The following FDX1 variants were observed in gnomAD, a reference collection of about 807,000 sequenced individuals.
FDX1 encodes the protein adrenodoxin, mitochondrial.
In FDX1, 9 loss-of-function variants were observed where a neutral mutation model predicts 14.9. That is an observed-to-expected ratio of 0.60 (90% confidence interval 0.36 to 1.05). The LOEUF (loss-of-function observed/expected upper bound fraction) is 1.05. Ranked by LOEUF, FDX1 falls within the 50% of genes least tolerant of loss-of-function variation. The pLI is 0.01. For missense variants in FDX1, 204 were observed against 237.2 expected, an observed-to-expected ratio of 0.86 and a Z score of 0.92; for synonymous variants, 92 against 99.4, an observed-to-expected ratio of 0.93 and a Z score of 0.44.
At chr11:110,454,296 A>G (rs1019571967) in intron 2 of FDX1, among the ~76,000 whole-genome samples, 12 of 152,220 alleles carry the variant, frequency 7.9e-5, no homozygotes, top group African/African-American at 2.4e-5. Context: ...GAAGCTTCCT[A>G]GGGAAGAGGG....
At chr11:110,430,558 C>G (rs1946324068) in intron 1 of FDX1, among the ~76,000 whole-genome samples, 1 of 152,236 alleles carries the variant, frequency 6.6e-6, no homozygotes, top group African/African-American at 2.4e-5. Context: ...GAATCGGGGA[C>G]CCTGGACGCC....
At chr11:110,451,771 T>C (rs1239907981) in intron 2 of FDX1, among the ~76,000 whole-genome samples, 1 of 152,236 alleles carries the variant, frequency 6.6e-6, no homozygotes, top group Non-Finnish European at 1.5e-5. Context: ...AACAAGATCA[T>C]GTCCTTTGCA....
chr11:110,444,116 T>C (rs894315962), intron 2 of FDX1, among the ~76,000 whole-genome samples: 13 of 152,176 alleles, frequency 8.5e-5, no homozygotes, highest in African/African-American at 3.1e-4. Flanking sequence ...TTTTGGAGAC[T>C]TAGCCAAAAA....
At chr11:110,430,410 G>A (rs985941348) in intron 1 of FDX1, 105 bp downstream of exon 1, 2 of 770,200 alleles carry the variant, frequency 2.6e-6, no homozygotes, top group Non-Finnish European at 3.4e-6. Flanking sequence ...TCTGCGCGCC[G>A]GGCCCACACC....
Position 110,430,116 on chromosome 11 carries a change from G to T in FDX1, c.-5G>T, listed in dbSNP as rs1421835677. ...GTCGCTTCCGGCAGTTCCCGACCGC[G>T]GGCGATGGCTGCCGCTGGGGGCGCC... On this transcript the variant is annotated 5_prime_UTR_variant, in exon 1 of 4. Transcript: ENST00000260270. The T allele has an allele frequency of 2.4e-6, 3 of 1,234,144 alleles. No individual in the cohort carries two copies. Among genetic ancestry groups the T allele is most frequent in the Non-Finnish European group, 3.0e-6 (3 of 991,056 alleles). The allele number at this position is 1,234,144 out of a possible 1,614,324, so 76.4% of individuals were successfully genotyped here. A position where few individuals can be genotyped will look rare whatever the true frequency, so the allele number is the denominator to read the frequency against.
intron 1 of FDX1, 29 bp downstream of exon 1, chr11:110,430,334 G>A: frequency 8.5e-7 from 1 of 1,180,094 alleles, no homozygotes; most frequent in Non-Finnish European, 1.0e-6. Context: ...GCGATCGCCG[G>A]CGCGGGCCGG....
chr11:110,449,845 C>T (rs1410444773), intron 2 of FDX1, among the ~76,000 whole-genome samples: 1 of 152,140 alleles, frequency 6.6e-6, no homozygotes, highest in Non-Finnish European at 1.5e-5. Flanking sequence ...CCAGGCTGGT[C>T]TCGAATACCT....
intron 2 of FDX1, among the ~76,000 whole-genome samples, chr11:110,450,918 A>G (rs990361041): frequency 4.6e-5 from 7 of 152,142 alleles, no homozygotes; most frequent in African/African-American, 9.7e-5. Flanking sequence ...ACAGCCACCA[A>G]TATTACTCTG....
rs144595058 is a variant in FDX1, at chr11:110,438,719, G to C, written c.310+2761G>C. Among the ~76,000 whole-genome samples the C allele has an allele frequency of 1.9e-3, 287 of 151,994 alleles. 1 individual carries two copies. Among genetic ancestry groups the C allele is most frequent in the African/African-American group, 6.4e-3 (264 of 41,442 alleles). ...TGACCTCAAGTGATCTGCCTACTTC[G>C]GCCTCCCAAAGTGCTGGGATTACAG... On this transcript the variant is annotated intron_variant, in intron 2 of 3. Coordinates refer to ENST00000260270, the MANE Select transcript of FDX1 (RefSeq NM_004109.5).
chr11:110,452,148 T>C (rs1946490347), intron 2 of FDX1, among the ~76,000 whole-genome samples: 2 of 152,114 alleles, frequency 1.3e-5, no homozygotes, highest in Non-Finnish European at 2.9e-5. Context: ...AGAAAAAATC[T>C]TTAGGACCTG....
chr11:110,439,431 A>C (rs982131479), intron 2 of FDX1, among the ~76,000 whole-genome samples: 1 of 150,738 alleles, frequency 6.6e-6, no homozygotes, highest in African/African-American at 2.4e-5. Context: ...CTAGTCTCGA[A>C]CTCCTGACCT....
chr11:110,460,997 T>A (rs556973460), intron 3 of FDX1, among the ~76,000 whole-genome samples: 51 of 152,332 alleles, frequency 3.3e-4, no homozygotes, highest in Admixed American at 3.9e-4. Flanking sequence ...AGTACATTAA[T>A]AAAACCAAGA....
Position 110,429,964 on chromosome 11 carries a change from C to T in FDX1, c.-157C>T, listed in dbSNP as rs960379310. 3 of 411,580 alleles carry T rather than the reference C, an allele frequency of 7.3e-6. No individual in the cohort carries two copies. The highest frequency in any genetic ancestry group is 4.2e-5 in the East Asian group (1 of 23,620). The allele number at this position is 411,580 out of a possible 1,614,324, so 25.5% of individuals were successfully genotyped here. A position where few individuals can be genotyped will look rare whatever the true frequency, so the allele number is the denominator to read the frequency against. On this transcript the variant is annotated 5_prime_UTR_variant, in exon 1 of 4. Transcript: ENST00000260270. ...CCGGAAGGCACGCGGAACCTCGGCG[C>T]GGTGCTTCCAGCAGGGTCTCTCCGC...
intron 1 of FDX1, among the ~76,000 whole-genome samples, chr11:110,431,659 G>A (rs1246749550): frequency 6.6e-6 from 1 of 152,144 alleles, no homozygotes; most frequent in Non-Finnish European, 1.5e-5. Context: ...GAATCAATTG[G>A]GACAGATATT....
chr11:110,430,257 G>A lies in FDX1; in HGVS notation c.137G>A (p.Ser46Asn). 2 of 1,204,814 alleles carry A rather than the reference G, an allele frequency of 1.7e-6. No individual in the cohort carries two copies. Among genetic ancestry groups the A allele is most frequent in the Non-Finnish European group, 2.1e-6 (2 of 970,494 alleles). The allele number at this position is 1,204,814 out of a possible 1,614,324, so 74.6% of individuals were successfully genotyped here. A position where few individuals can be genotyped will look rare whatever the true frequency, so the allele number is the denominator to read the frequency against. Residue 46 changes from serine (S) to asparagine (N), a missense_variant, in exon 1 of 4, where the codon AGC (serine) becomes AAC (asparagine). Ser to Asn is a conservative substitution (Grantham distance 46). Transcript: ENST00000260270. ...GLLRNRGPGG[S>N]AEASRSLSVS... The stretch of plus-strand genomic sequence containing the variant: ...CTGAGGAACCGGGGGCCGGGCGGGA[G>A]CGCGGAGGCGAGCCGGTCGCTGAGC...
At chr11:110,452,971 A>C (rs563410453) in intron 2 of FDX1, among the ~76,000 whole-genome samples, 1 of 152,350 alleles carries the variant, frequency 6.6e-6, no homozygotes, top group Admixed American at 6.5e-5. Flanking sequence ...GGGAATTAAA[A>C]GTTTTAGGCT....
chr11:110,453,387 G>A (rs1946499108), intron 2 of FDX1, among the ~76,000 whole-genome samples: 2 of 151,340 alleles, frequency 1.3e-5, no homozygotes, highest in Non-Finnish European at 2.9e-5. Context: ...ACTGAACACT[G>A]AAAGAGACAA....
intron 2 of FDX1, among the ~76,000 whole-genome samples, chr11:110,451,657 T>C (rs1946487317): frequency 6.6e-6 from 1 of 152,258 alleles, no homozygotes; most frequent in Non-Finnish European, 1.5e-5. Context: ...TGTAGCACTA[T>C]TCACAATAGC....
At chr11:110,450,322 C>T (rs1395790813) in intron 2 of FDX1, among the ~76,000 whole-genome samples, 31 of 152,000 alleles carry the variant, frequency 2.0e-4, no homozygotes. Context: ...AACAGATCAT[C>T]AGGCATTAGA....
Sources: gnomAD v4.1 joint callset for allele counts (sites outside exome capture counted in the v4.1 genomes callset) on GRCh38, gnomAD v4.1.1 for gene constraint, MANE v1.5 for transcripts, NCBI Gene and HGNC (gene_info 2026-07-23, HGNC 2026-07-21) for gene names.